SETD1B: variants seen among roughly 807,000 people sequenced by gnomAD.
SETD1B encodes the protein SET domain containing 1B, histone lysine methyltransferase.
Under a neutral mutation model 148.0 loss-of-function variants are expected in SETD1B, and 7 were observed. The observed-to-expected ratio is 0.05, with a 90% CI of 0.03 to 0.09. SETD1B has a LOEUF of 0.09. Among genes scored for constraint, SETD1B ranks in the 10% least tolerant of loss-of-function variants. The pLI, the probability that SETD1B is intolerant of heterozygous loss-of-function variation, is 1.00. For missense variants in SETD1B, 2,155 were observed against 2,729.9 expected, an observed-to-expected ratio of 0.79 and a Z score of 4.69; for synonymous variants, 1,361 against 1,186.5, an observed-to-expected ratio of 1.15 and a Z score of -3.02.
At chr12:121,797,813 G>C in the SETD1B span, 1 of 351,648 alleles carries the variant, frequency 2.8e-6, no homozygotes, top group Non-Finnish European at 5.6e-6. Flanking sequence ...ACAGGTTTCA[G>C]GGAGTATAGA....
rs1306404174 is a variant in SETD1B, at chr12:121,810,038, G to A, written c.1093G>A (p.Gly365Ser). ...GAVGGTGGSS[G>S]PPFKAQPQDS... ...AGTCGGCGGCACTGGGGGCAGCAGCGGTCCCCCGTTCAAGGCTCAACCACA... is the reference window on the plus strand; with the variant it reads ...AGTCGGCGGCACTGGGGGCAGCAGCAGTCCCCCGTTCAAGGCTCAACCACA... The change falls in exon 6 of 17, where the codon GGT becomes AGT. Residue 365 changes from glycine to serine, a missense_variant. Physicochemically the swap from Gly to Ser is moderately conservative, Grantham distance 56. Transcript: ENST00000604567. The surrounding 1 kb of genome is among the most constrained non-coding windows in gnomAD (Gnocchi z 7.6). 6 of 1,550,190 alleles carry A rather than the reference G, an allele frequency of 3.9e-6. No individual in the cohort carries two copies. The highest frequency in any genetic ancestry group is 2.4e-5 in the South Asian group (2 of 84,066).
chr12:121,823,960 G>A (rs1016565868), intron 12 of SETD1B, among the ~76,000 whole-genome samples: 3 of 152,128 alleles, frequency 2.0e-5, no homozygotes, highest in African/African-American at 4.8e-5. Flanking sequence ...CTCCCTCTGC[G>A]CCAGGCCCAT....
chr12:121,797,388 TG>T, the SETD1B span: 1 of 447,366 alleles, frequency 2.2e-6, no homozygotes, highest in African/African-American at 2.0e-5. Flanking sequence ...GGGTGACCGG[TG>T]GGCGGGGCGC....
intron 6 of SETD1B, among the ~76,000 whole-genome samples, chr12:121,812,657 G>T (rs1047773580): frequency 1.3e-5 from 2 of 152,174 alleles, no homozygotes; most frequent in Non-Finnish European, 2.9e-5. Flanking sequence ...CGCTGTGCTC[G>T]GCTCTGTCCA....
At position 121,819,447 on chromosome 12, in the gene SETD1B, G is replaced by T; in HGVS notation, c.3462G>T (p.Ser1154=). 2 of 1,552,168 alleles carry T rather than the reference G, an allele frequency of 1.3e-6. No homozygotes were observed. The highest frequency in any genetic ancestry group is 1.7e-6 in the Non-Finnish European group (2 of 1,147,106). ...SIVTSKAEAT[S]SSESSESSEF... ...TAACCTCCAAGGCCGAAGCCACGTC[G>T]TCCAGTGAGAGTTCCGAGTCTTCTG... Residue 1154 remains serine, a synonymous_variant, in exon 11 of 17, where the codon TCG becomes TCT. Transcript: ENST00000604567.
In SETD1B at chr12:121,810,004, G is replaced by A. The variant is rs759106082; in HGVS notation, c.1059G>A (p.Pro353=). ...TAAFRGSSDL[P]FGAVGGTGGS... ...CTTTCCGGGGTTCCTCGGACCTCCC[G>A]TTCGGAGCAGTCGGCGGCACTGGGG... The change falls in exon 6 of 17, where the codon CCG becomes CCA. Residue 353 remains proline (P), a synonymous_variant. Transcript: ENST00000604567. The surrounding 1 kb of genome is among the most constrained non-coding windows in gnomAD (Gnocchi z 7.6). 69 of 1,550,490 alleles carry A rather than the reference G, an allele frequency of 4.5e-5. No homozygotes were observed. Among genetic ancestry groups the A allele is most frequent in the South Asian group, 4.3e-4 (36 of 84,058 alleles).
chr12:121,793,465 GC>G, the SETD1B span: 3 of 1,537,624 alleles, frequency 2.0e-6, no homozygotes, highest in Middle Eastern at 2.1e-4. Context: ...GGCGTCCCTC[GC>G]CCCCACCCCA....
chr12:121,803,727 G>T (rs1478756813), upstream of SETD1B: 1 of 151,954 alleles, frequency 6.6e-6, no homozygotes, highest in Non-Finnish European at 1.5e-5. This position sits in a 1 kb window ranked among gnomAD's most constrained non-coding sequence, Gnocchi z 4.7. Flanking sequence ...TCCCGGCCGC[G>T]GGAGGTAGAG....
the SETD1B span, among the ~76,000 whole-genome samples, chr12:121,796,934 G>A: frequency 1.3e-5 from 2 of 152,230 alleles, no homozygotes; most frequent in African/African-American, 4.8e-5. Flanking sequence ...GCTACTCGGA[G>A]GCTGAGGCAG....
In SETD1B at chr12:121,804,708, A is replaced by C; in HGVS notation, c.-14-16A>C. 1 of 1,545,460 alleles carries C rather than the reference A, an allele frequency of 6.5e-7. No homozygotes were observed. The highest frequency in any genetic ancestry group is 8.7e-7 in the Non-Finnish European group (1 of 1,145,568). On this transcript the variant is annotated splice_polypyrimidine_tract_variant and intron_variant, in intron 1 of 16. Transcript: ENST00000604567. The surrounding 1 kb of genome is among the most constrained non-coding windows in gnomAD (Gnocchi z 4.6). ...CGCCGCCGCGGCGGAGACGACAACA[A>C]CTTGCTGGTTTTCAGGTTGGGTTAA...
At chr12:121,802,333 G>T (rs544114045), upstream of SETD1B, 2 of 152,278 alleles carry the variant, frequency 1.3e-5, no homozygotes, top group African/African-American at 2.4e-5. Flanking sequence ...ACTGCGTCAG[G>T]ACAGAATGGA....
At chr12:121,799,302 C>G (rs990621125), upstream of SETD1B, 2 of 152,234 alleles carry the variant, frequency 1.3e-5, no homozygotes, top group Non-Finnish European at 2.9e-5. Context: ...TACAGGCCTG[C>G]CCATTCGGGG....
chr12:121,806,281 G>T (rs1233445546), intron 4 of SETD1B, among the ~76,000 whole-genome samples, 176 bp downstream of exon 4: 1 of 151,440 alleles, frequency 6.6e-6, no homozygotes, highest in Non-Finnish European at 1.5e-5. Context: ...TGTGTTGTCT[G>T]TTGCTAGGAG....
the SETD1B span, among the ~76,000 whole-genome samples, chr12:121,791,902 A>G: frequency 2.0e-5 from 3 of 152,244 alleles, no homozygotes; most frequent in Admixed American, 6.5e-5. Flanking sequence ...CTGCACAGGA[A>G]ACATGAGAGT....
At chr12:121,811,840 G>C (rs1265616465) in intron 6 of SETD1B, among the ~76,000 whole-genome samples, 3 of 152,182 alleles carry the variant, frequency 2.0e-5, no homozygotes, top group Non-Finnish European at 4.4e-5. Context: ...GCTCCAGGGG[G>C]CCTCCAAGCA....
At chr12:121,792,300 G>T in the SETD1B span, among the ~76,000 whole-genome samples, 2 of 152,234 alleles carry the variant, frequency 1.3e-5, no homozygotes, top group African/African-American at 2.4e-5. Context: ...GAGGTGGGGT[G>T]AGGCCCCACC....
Position 121,814,958 on chromosome 12 carries a change from G to C in SETD1B, c.2715+28G>C, listed in dbSNP as rs12427154. ...GGGTGGGTGGGTGCAGGGCTCTGCA[G>C]GGTGGCTGTGGAGGGGGGCAGGTCC... On this transcript the variant is annotated intron_variant, in intron 7 of 16. Coordinates refer to ENST00000604567, the MANE Select transcript of SETD1B (RefSeq NM_001353345.2). 22 of 1,511,184 alleles carry C rather than the reference G, an allele frequency of 1.5e-5. No homozygotes were observed. The African/African-American group carries it at 1.8e-4, about 12-fold the overall frequency. 93.6% of individuals were successfully genotyped at this position (1,511,184 alleles called of 1,614,324 possible).
chr12:121,791,953 C>T, the SETD1B span, among the ~76,000 whole-genome samples: 2 of 152,230 alleles, frequency 1.3e-5, no homozygotes, highest in African/African-American at 4.8e-5. Flanking sequence ...CCCCGGGCCA[C>T]GCCCCGGGAA....
Position 121,831,174 on chromosome 12 carries a change from C to G in SETD1B, c.*935C>G, listed in dbSNP as rs1877076280. On this transcript the variant is annotated 3_prime_UTR_variant, in exon 17 of 17. Coordinates refer to ENST00000604567, the MANE Select transcript of SETD1B (RefSeq NM_001353345.2). ...ACAGGGCTCCCAAGGGCAGGCGGGT[C>G]CCCCAGTCCCGCCATTACGGGTTGT... 1 of 152,154 alleles carries G rather than the reference C, an allele frequency of 6.6e-6. No homozygotes were observed. The highest frequency in any genetic ancestry group is 1.5e-5 in the Non-Finnish European group (1 of 68,016). The allele number at this position is 152,154 out of a possible 1,614,324, so 9.4% of individuals were successfully genotyped here.
Sources: allele counts gnomAD v4.1 joint callset (sites outside exome capture counted in the v4.1 genomes callset), GRCh38; gene constraint gnomAD v4.1.1; non-coding constraint Gnocchi (gnomAD v3.1); transcripts MANE v1.5; gene names NCBI Gene and HGNC (gene_info 2026-07-23, HGNC 2026-07-21).